The following TMCC3 variants were observed in gnomAD, a reference collection of about 807,000 sequenced individuals.
TMCC3 encodes the protein transmembrane and coiled-coil domain protein 3.
In TMCC3, 28 loss-of-function variants were observed where a neutral mutation model predicts 40.2. That is an observed-to-expected ratio of 0.70 (90% CI 0.52 to 0.95). The LOEUF (loss-of-function observed/expected upper bound fraction) is 0.95, where lower values mean the gene tolerates loss of function less well. TMCC3 is among the 40% of genes least tolerant of loss of function. TMCC3 has a pLI of 0.00. For synonymous variants in TMCC3, 255 were observed against 248.5 expected (o/e 1.03, Z -0.25); for missense variants, 554 against 615.2 (o/e 0.90, Z 1.05).
intron 1 of TMCC3, chr12:94,609,690 T>C (rs967018786): frequency 1.3e-5 from 2 of 152,170 alleles, no homozygotes; most frequent in Non-Finnish European, 2.9e-5. Flanking sequence ...AGGGCACATC[T>C]ATGGTCTCCT....
chr12:94,630,550 G>A (rs925998472), intron 1 of TMCC3, among the ~76,000 whole-genome samples: 2 of 152,148 alleles, frequency 1.3e-5, no homozygotes, highest in African/African-American at 4.8e-5. Flanking sequence ...GGATAGTTGT[G>A]TCTCTTTCTT....
At chr12:94,594,044 C>CA (rs2068699833) in intron 1 of TMCC3, among the ~76,000 whole-genome samples, 1 of 151,936 alleles carries the variant, frequency 6.6e-6, no homozygotes, top group African/African-American at 2.4e-5. Flanking sequence ...AGGCAACACC[C>CA]AAAAAAGGCA....
At chr12:94,643,526 G>A (rs970637300) in intron 1 of TMCC3, among the ~76,000 whole-genome samples, 2 of 152,176 alleles carry the variant, frequency 1.3e-5, no homozygotes, top group East Asian at 3.9e-4. Context: ...GTTCTTTAAT[G>A]ATCTTAAATC....
At chr12:94,638,310 G>A (rs1305333124) in intron 1 of TMCC3, among the ~76,000 whole-genome samples, 1 of 152,102 alleles carries the variant, frequency 6.6e-6, no homozygotes, top group Admixed American at 6.6e-5. Flanking sequence ...CTGAATATGT[G>A]CTCATATTAA....
At chr12:94,610,832 T>C (rs2068811978) in intron 1 of TMCC3, among the ~76,000 whole-genome samples, 2 of 152,182 alleles carry the variant, frequency 1.3e-5, no homozygotes, top group African/African-American at 4.8e-5. Context: ...TACAATTGTA[T>C]ACTCTATGTG....
intron 1 of TMCC3, among the ~76,000 whole-genome samples, chr12:94,607,929 T>C (rs2068793208): frequency 6.6e-6 from 1 of 152,230 alleles, no homozygotes; most frequent in Admixed American, 6.5e-5. Context: ...TTTCTATACT[T>C]TAATGACTCT....
chr12:94,613,951 CG>C (rs2068831591), intron 1 of TMCC3: 1 of 151,754 alleles, frequency 6.6e-6, no homozygotes, highest in South Asian at 2.1e-4. Context: ...AAAAATTAGC[CG>C]GGCATGGTGG....
intron 1 of TMCC3, among the ~76,000 whole-genome samples, chr12:94,604,803 CAAAA>C (rs11400128): frequency 3.8e-5 from 2 of 53,320 alleles, no homozygotes; most frequent in Non-Finnish European, 6.4e-5. Context: ...GACTTCATCT[CAAAA>C]AAAAAAAAAA....
intron 1 of TMCC3, among the ~76,000 whole-genome samples, chr12:94,634,660 G>A (rs2068951040): frequency 6.6e-6 from 1 of 152,142 alleles, no homozygotes; most frequent in African/African-American, 2.4e-5. Flanking sequence ...ATTTCTAGGT[G>A]GTAGAAACAG....
chr12:94,607,264 G>A lies in TMCC3; in HGVS notation c.79-24726C>T, dbSNP rs895710185. ...CTGTTATTCTGTTCTTTGTCAAGGT[G>A]CACTGATTTCATATTGTTCAAACAC... is the stretch of plus-strand genomic sequence containing the variant. On this transcript the variant is annotated intron_variant, in intron 1 of 3. Coordinates refer to ENST00000261226, the MANE Select transcript of TMCC3 (RefSeq NM_020698.4). 2.0e-5 allele frequency among the ~76,000 whole-genome samples: 3 copies of A among 149,342 alleles called. No homozygotes were observed. The Admixed American group carries it at 2.0e-4, about 10-fold the overall frequency.
Position 94,603,046 on chromosome 12 carries a change from C to A in TMCC3, c.79-20508G>T, listed in dbSNP as rs566462133. 4.6e-5 allele frequency among the ~76,000 whole-genome samples: 7 copies of A among 152,260 alleles called. No individual in the cohort carries two copies. The East Asian group carries it at 1.4e-3, about 29-fold the overall frequency. On this transcript the variant is annotated intron_variant, in intron 1 of 3. Coordinates refer to ENST00000261226, the MANE Select transcript of TMCC3 (RefSeq NM_020698.4). ...TTGTTCATAAAATTATTAGCACAGA[C>A]CAACTGACACAAACTGAGTATTACT...
intron 1 of TMCC3, among the ~76,000 whole-genome samples, chr12:94,594,421 C>T (rs1171202016): frequency 2.0e-5 from 3 of 152,090 alleles, no homozygotes; most frequent in Admixed American, 6.5e-5. Flanking sequence ...GGACTAAACA[C>T]AGAACAAATG....
At chr12:94,628,433 C>G (rs2068915067) in intron 1 of TMCC3, among the ~76,000 whole-genome samples, 1 of 152,208 alleles carries the variant, frequency 6.6e-6, no homozygotes, top group Admixed American at 6.5e-5. Context: ...CTCATACTCC[C>G]CATCTATGAA....
At chr12:94,642,917 G>A (rs1380041049) in intron 1 of TMCC3, among the ~76,000 whole-genome samples, 1 of 152,208 alleles carries the variant, frequency 6.6e-6, no homozygotes, top group African/African-American at 2.4e-5. Context: ...ACCGGGCCGG[G>A]CGCAGTGCCT....
chr12:94,642,460 G>A (rs1002479156), intron 1 of TMCC3, among the ~76,000 whole-genome samples: 3 of 152,234 alleles, frequency 2.0e-5, no homozygotes. Context: ...TTTTCTAGTT[G>A]CTTTAAACTG....
intron 1 of TMCC3, among the ~76,000 whole-genome samples, chr12:94,643,736 T>G (rs1309178882): frequency 6.6e-6 from 1 of 152,214 alleles, no homozygotes; most frequent in Non-Finnish European, 1.5e-5. Context: ...GCAGATGCTG[T>G]ACACATCCTT....
chr12:94,590,589 C>T (rs1038318620), intron 1 of TMCC3, among the ~76,000 whole-genome samples: 1 of 152,132 alleles, frequency 6.6e-6, no homozygotes, highest in Non-Finnish European at 1.5e-5. Flanking sequence ...AGCAGATAAG[C>T]CCTGGATCTG....
intron 1 of TMCC3, among the ~76,000 whole-genome samples, chr12:94,636,336 T>TA: frequency 1.3e-5 from 2 of 152,362 alleles, no homozygotes; most frequent in Middle Eastern, 6.8e-3. Context: ...CTAAGAATGA[T>TA]ACAAACCTAT....
chr12:94,576,566 CCTG>C (rs2068566193), intron 3 of TMCC3, among the ~76,000 whole-genome samples: 1 of 152,116 alleles, frequency 6.6e-6, no homozygotes, highest in Admixed American at 6.5e-5. Context: ...ACCTTGAACT[CCTG>C]GGCTCAAGCC....
Sources: gnomAD v4.1 joint callset for allele counts (sites outside exome capture counted in the v4.1 genomes callset) on GRCh38, gnomAD v4.1.1 for gene constraint, MANE v1.5 for transcripts, NCBI Gene and HGNC (gene_info 2026-07-23, HGNC 2026-07-21) for gene names.